Variants in KIAA0513 observed in about 807,000 individuals in gnomAD.
KIAA0513 encodes the protein uncharacterized protein KIAA0513.
Under a neutral mutation model 56.5 loss-of-function variants are expected in KIAA0513, and 39 were observed. The observed-to-expected ratio is 0.69, with a 90% CI of 0.53 to 0.90. The LOEUF is 0.90. Among genes scored for constraint, KIAA0513 ranks in the 40% least tolerant of loss-of-function variants. The pLI, the probability that KIAA0513 is intolerant of heterozygous loss-of-function variation, is 0.00. For missense variants in KIAA0513, 591 were observed against 535.2 expected, an observed-to-expected ratio of 1.10 and a Z score of -1.03; for synonymous variants, 268 against 215.6, an observed-to-expected ratio of 1.24 and a Z score of -2.13.
intron 1 of KIAA0513, among the ~76,000 whole-genome samples, chr16:85,032,123 C>G (rs2072973585): frequency 6.6e-6 from 1 of 152,218 alleles, no homozygotes; most frequent in South Asian, 2.1e-4. Flanking sequence ...CAGAGGGAGA[C>G]TCTGTGCCTC....
At chr16:85,063,231 A>G (rs1243380720) in intron 1 of KIAA0513, 2 of 152,204 alleles carry the variant, frequency 1.3e-5, no homozygotes, top group Non-Finnish European at 2.9e-5. Context: ...CTGAGGCTGG[A>G]TCAGAAATAG....
At chr16:85,054,113 T>C (rs1426575540) in intron 1 of KIAA0513, among the ~76,000 whole-genome samples, 2 of 152,110 alleles carry the variant, frequency 1.3e-5, no homozygotes, top group African/African-American at 4.8e-5. Flanking sequence ...TGAGCTGTGA[T>C]TGTGCCACTG....
chr16:85,083,091 T>C (rs911170452), intron 10 of KIAA0513, among the ~76,000 whole-genome samples: 1 of 152,188 alleles, frequency 6.6e-6, no homozygotes, highest in Non-Finnish European at 1.5e-5. Context: ...CACCCACTCT[T>C]GGGTGTCCTG....
At chr16:85,039,728 C>T (rs2073080755) in intron 1 of KIAA0513, among the ~76,000 whole-genome samples, 1 of 152,108 alleles carries the variant, frequency 6.6e-6, no homozygotes, top group Admixed American at 6.5e-5. Context: ...CTGCCTCAGC[C>T]TGCCAAAGTA....
In KIAA0513 at chr16:85,067,322, C is replaced by T; in HGVS notation, c.251C>T (p.Thr84Ile). The T allele has an allele frequency of 6.2e-7, 1 of 1,612,460 alleles. No homozygotes were observed. Among genetic ancestry groups the T allele is most frequent in the Non-Finnish European group, 8.5e-7 (1 of 1,180,024 alleles). ...GAGTCCTTCTCCTCCAACCAGAGCA[C>T]CGAGTCTACCCAGGATGAAGAGACC... ...SNESFSSNQS[T>I]ESTQDEETLA... The change falls in exon 2 of 13, where the codon ACC becomes ATC. Residue 84 changes from threonine (T) to isoleucine (I), a missense_variant. By Grantham distance (89) the Thr-to-Ile change is moderately conservative (BLOSUM62 -1). Transcript: ENST00000683363.
chr16:85,041,830 T>C (rs1338754263), intron 1 of KIAA0513, among the ~76,000 whole-genome samples: 1 of 152,112 alleles, frequency 6.6e-6, no homozygotes, highest in Non-Finnish European at 1.5e-5. Flanking sequence ...TCTGGACCCA[T>C]CTGAGGAAAC....
chr16:85,080,899 T>C (rs1322589268), intron 8 of KIAA0513, among the ~76,000 whole-genome samples: 4 of 152,258 alleles, frequency 2.6e-5, no homozygotes, highest in Non-Finnish European at 4.4e-5. Flanking sequence ...TTGCCATTGA[T>C]GTTACTAGAC....
chr16:85,050,659 C>T (rs898456389), intron 1 of KIAA0513, among the ~76,000 whole-genome samples: 2 of 152,194 alleles, frequency 1.3e-5, no homozygotes, highest in African/African-American at 4.8e-5. Flanking sequence ...CTTCCCTCCC[C>T]AATCCCCTGG....
Position 85,078,375 on chromosome 16 carries a change from G to T in KIAA0513, c.783-40G>T, listed in dbSNP as rs1225185750. The T allele has an allele frequency of 2.5e-6, 4 of 1,611,554 alleles. No individual in the cohort carries two copies. In the Admixed American group the frequency reaches 6.7e-5, roughly 27 times the overall value. ...CGTCTTTGAGTTGAGAAAGTGTGGT[G>T]TGAGTCGCGTGTGTCATCATTGTGC... On this transcript the variant is annotated intron_variant, in intron 6 of 12. Transcript: ENST00000683363.
chr16:85,084,063 T>G (rs2073779356), intron 10 of KIAA0513, among the ~76,000 whole-genome samples: 2 of 142,788 alleles, frequency 1.4e-5, no homozygotes, highest in Non-Finnish European at 3.1e-5. Context: ...CTAATTTTTT[T>G]TTTTTTTTTT....
At chr16:85,069,146 G>A (rs930151276) in intron 2 of KIAA0513, among the ~76,000 whole-genome samples, 1 of 151,164 alleles carries the variant, frequency 6.6e-6, no homozygotes, top group Admixed American at 6.6e-5. Flanking sequence ...TCTTCCCACC[G>A]CAGCCTCCCG....
intron 1 of KIAA0513, among the ~76,000 whole-genome samples, chr16:85,037,506 G>A (rs1245755123): frequency 7.9e-5 from 12 of 152,122 alleles, no homozygotes; most frequent in Admixed American, 7.9e-4. Flanking sequence ...GACGAACACA[G>A]TGTCCATATG....
chr16:85,088,183 G>A, intron 12 of KIAA0513, 93 bp from the exon 13 acceptor site: 1 of 1,165,406 alleles, frequency 8.6e-7, no homozygotes, highest in Non-Finnish European at 1.3e-6. Flanking sequence ...TCCCAGGGAG[G>A]CCCGATTCGT....
In KIAA0513 at chr16:85,091,237, G is replaced by A. The variant is rs1179889303; in HGVS notation, c.*2912G>A. The A allele has an allele frequency of 6.6e-6, 1 of 152,214 alleles. No homozygotes were observed. Among genetic ancestry groups the A allele is most frequent in the Admixed American group, 6.5e-5 (1 of 15,278 alleles). 9.4% of individuals were successfully genotyped at this position (152,214 alleles called of 1,614,324 possible). On this transcript the variant is annotated 3_prime_UTR_variant, in exon 13 of 13. Coordinates refer to ENST00000683363, the MANE Select transcript of KIAA0513 (RefSeq NM_001388359.1). Reference sequence around the variant, plus strand: ...AACTCACACAAGTGAAAAGCTCCCTGCTTTGAAAACAGGACATGTTGACAG... The same window carrying A: ...AACTCACACAAGTGAAAAGCTCCCTACTTTGAAAACAGGACATGTTGACAG...
chr16:85,058,570 T>C (rs934084261), intron 1 of KIAA0513, among the ~76,000 whole-genome samples: 7 of 150,932 alleles, frequency 4.6e-5, no homozygotes, highest in East Asian at 2.0e-4. Context: ...GAGAATCGCA[T>C]GAATCCGGGT....
At chr16:85,078,828 C>T (rs559267295) in intron 7 of KIAA0513, 97 bp from the exon 8 acceptor site, 59 of 1,307,448 alleles carry the variant, frequency 4.5e-5, no homozygotes, top group Admixed American at 1.9e-4. Context: ...CAGTGACATT[C>T]GGGGAGAAAC....
chr16:85,065,107 A>G (rs1347533183), intron 1 of KIAA0513, among the ~76,000 whole-genome samples: 1 of 152,230 alleles, frequency 6.6e-6, no homozygotes, highest in Non-Finnish European at 1.5e-5. Context: ...TGTTCCTACT[A>G]TATTTACTGT....
chr16:85,032,299 C>T (rs1178660293), intron 1 of KIAA0513, among the ~76,000 whole-genome samples: 9 of 152,236 alleles, frequency 5.9e-5, no homozygotes, highest in African/African-American at 2.2e-4. Flanking sequence ...CTTAAAAGGG[C>T]ACCAGTCGGA....
At position 85,067,408 on chromosome 16, in the gene KIAA0513, G is replaced by A. The variant is rs372241296; in HGVS notation, c.329+8G>A. The A allele has an allele frequency of 3.8e-6, 6 of 1,589,960 alleles. No homozygotes were observed. The African/African-American group carries it at 4.0e-5, about 11-fold the overall frequency. The stretch of plus-strand genomic sequence containing the variant: ...GAAGATCTTCTCTGGAGGGTAAGGG[G>A]CCTGTGTGGACGAGACAGCCTGGTG... On this transcript the variant is annotated splice_region_variant and intron_variant, in intron 2 of 12. Transcript: ENST00000683363.
Sources: gnomAD v4.1 joint callset for allele counts (sites outside exome capture counted in the v4.1 genomes callset) on GRCh38, gnomAD v4.1.1 for gene constraint, MANE v1.5 for transcripts, NCBI Gene and HGNC (gene_info 2026-07-23, HGNC 2026-07-21) for gene names.